The following EBF1 variants were observed in gnomAD, a reference collection of about 807,000 sequenced individuals.
EBF1 encodes the protein EBF transcription factor 1.
EBF1 carries 10 observed loss-of-function variants against 68.4 expected under a neutral mutation model. The observed-to-expected ratio is 0.15, with a 90% confidence interval of 0.09 to 0.25. The LOEUF is 0.25. EBF1 is among the 10% of genes least tolerant of loss of function. The pLI is 1.00. For missense variants in EBF1, 509 were observed against 794.4 expected, an observed-to-expected ratio of 0.64 and a Z score of 4.32; for synonymous variants, 298 against 299.8, an observed-to-expected ratio of 0.99 and a Z score of 0.06.
At chr5:158,882,210 G>A (rs1582855665) in intron 6 of EBF1, among the ~76,000 whole-genome samples, 1 of 152,296 alleles carries the variant, frequency 6.6e-6, no homozygotes, top group East Asian at 1.9e-4. Context: ...CCATAAGGAA[G>A]TTAACATTTC....
intron 6 of EBF1, among the ~76,000 whole-genome samples, chr5:158,914,849 T>C (rs1298991506): frequency 6.6e-6 from 1 of 152,122 alleles, no homozygotes; most frequent in Non-Finnish European, 1.5e-5. Context: ...GGCCTAGAAG[T>C]TAAAAATAAG....
intron 6 of EBF1, among the ~76,000 whole-genome samples, chr5:158,980,611 T>G (rs1369946813): frequency 1.3e-5 from 2 of 152,192 alleles, no homozygotes; most frequent in Admixed American, 6.5e-5. Context: ...TACTAAGGAA[T>G]GTAGTTAAGT....
intron 8 of EBF1, among the ~76,000 whole-genome samples, chr5:158,804,203 G>C (rs1582040719): frequency 6.6e-6 from 1 of 151,928 alleles, no homozygotes; most frequent in Middle Eastern, 3.4e-3. Flanking sequence ...GGCACTATTT[G>C]GAAATGTAGC....
chr5:158,992,325 A>AT (rs112472482), intron 6 of EBF1, among the ~76,000 whole-genome samples: 182 of 148,140 alleles, frequency 1.2e-3, no homozygotes, highest in African/African-American at 3.8e-3. Context: ...TTCCCTAATG[A>AT]TTTTTTTTTT....
At chr5:158,715,369 C>T (rs1488472740) in intron 11 of EBF1, among the ~76,000 whole-genome samples, 1 of 152,190 alleles carries the variant, frequency 6.6e-6, no homozygotes. Context: ...ATCATAGCCT[C>T]TTCAAAAATC....
chr5:159,092,339 G>C (rs1459025356), intron 4 of EBF1, among the ~76,000 whole-genome samples: 6 of 152,198 alleles, frequency 3.9e-5, no homozygotes, highest in Non-Finnish European at 8.8e-5. Flanking sequence ...TTATTTTCTA[G>C]TTGGTGGGTG....
chr5:158,861,259 C>T (rs966718412), intron 6 of EBF1, among the ~76,000 whole-genome samples: 25 of 139,208 alleles, frequency 1.8e-4, no homozygotes, highest in African/African-American at 6.2e-4. Context: ...CTATCAAATG[C>T]GGATTTGTGA....
intron 4 of EBF1, among the ~76,000 whole-genome samples, chr5:159,089,807 AGAAAGAAG>A (rs906590599): frequency 4.6e-5 from 7 of 151,912 alleles, no homozygotes; most frequent in Admixed American, 1.3e-4. Flanking sequence ...GAAGAAAGAA[AGAAAGAAG>A]GAAAGAAAGA....
intron 6 of EBF1, among the ~76,000 whole-genome samples, chr5:158,905,477 A>T (rs988198935): frequency 3.3e-5 from 5 of 152,156 alleles, no homozygotes; most frequent in African/African-American, 1.2e-4. Flanking sequence ...GGATTAAGTC[A>T]TTTCTCAGCT....
At chr5:158,819,613 A>T (rs1406174753) in intron 8 of EBF1, among the ~76,000 whole-genome samples, 2 of 152,232 alleles carry the variant, frequency 1.3e-5, no homozygotes, top group African/African-American at 2.4e-5. Flanking sequence ...AAGACAAGGC[A>T]AGTACACAGG....
rs547336685 is a variant in EBF1 at position 158,782,127 on chromosome 5, A to C, written c.910-4588T>G. ...TTCTTTCCTAAACATTCTTCTACTG[A>C]CATTCTACTTGTTCTTGAAGACCCC... On this transcript the variant is annotated intron_variant, in intron 9 of 15. Transcript: ENST00000313708. Among the ~76,000 whole-genome samples the C allele has an allele frequency of 2.6e-5, 4 of 152,254 alleles. No homozygotes were observed. The East Asian group carries it at 7.7e-4, about 29-fold the overall frequency.
At chr5:158,744,000 G>A (rs11745230) in intron 10 of EBF1, among the ~76,000 whole-genome samples, 31 of 151,868 alleles carry the variant, frequency 2.0e-4, no homozygotes, top group South Asian at 4.2e-4. Flanking sequence ...GTGAAACTCC[G>A]TCTCTACTAA....
rs1340228028 is a variant in EBF1 at position 158,940,924 on chromosome 5, T to C, written c.555-100814A>G. 2.6e-5 allele frequency among the ~76,000 whole-genome samples: 4 copies of C among 152,170 alleles called. No individual in the cohort carries two copies. The East Asian group carries it at 7.7e-4, about 29-fold the overall frequency. ...AAACCAATTATGATTATAATCATTA[T>C]CTGTGTAACATTTGGGTAGGAGACA... On this transcript the variant is annotated intron_variant, in intron 6 of 15. Coordinates refer to ENST00000313708, the MANE Select transcript of EBF1 (RefSeq NM_024007.5).
intron 8 of EBF1, among the ~76,000 whole-genome samples, chr5:158,805,496 C>A (rs1665429280): frequency 6.6e-6 from 1 of 152,068 alleles, no homozygotes; most frequent in South Asian, 2.1e-4. Context: ...GAGGCAGGAC[C>A]AAATTCAGCA....
chr5:158,956,043 TGTGTG>T (rs1817008921), intron 6 of EBF1, among the ~76,000 whole-genome samples: 1 of 149,340 alleles, frequency 6.7e-6, no homozygotes, highest in East Asian at 2.0e-4. Context: ...TGTGTGTGTG[TGTGTG>T]TGTGTGTGTG....
intron 6 of EBF1, among the ~76,000 whole-genome samples, chr5:158,891,376 C>T (rs1213722876): frequency 6.6e-6 from 1 of 152,186 alleles, no homozygotes; most frequent in Non-Finnish European, 1.5e-5. Context: ...CTTATGGTAA[C>T]AAAATCCTCT....
intron 6 of EBF1, among the ~76,000 whole-genome samples, chr5:158,989,770 A>G (rs1420182925): frequency 1.3e-5 from 2 of 152,136 alleles, no homozygotes; most frequent in African/African-American, 2.4e-5. Flanking sequence ...AGACATATTA[A>G]TTTATTATAA....
intron 6 of EBF1, among the ~76,000 whole-genome samples, chr5:158,894,229 C>A (rs1281459498): frequency 6.6e-6 from 1 of 152,006 alleles, no homozygotes; most frequent in Non-Finnish European, 1.5e-5. Flanking sequence ...TTTCTCTATG[C>A]ATTTCTGATA....
intron 6 of EBF1, among the ~76,000 whole-genome samples, chr5:159,051,154 G>C (rs1307284315): frequency 6.6e-6 from 1 of 152,000 alleles, no homozygotes; most frequent in Non-Finnish European, 1.5e-5. Flanking sequence ...GACAGGCACA[G>C]GATATCCTGG....
Sources: gnomAD v4.1 joint callset for allele counts (sites outside exome capture counted in the v4.1 genomes callset) on GRCh38, gnomAD v4.1.1 for gene constraint, MANE v1.5 for transcripts, NCBI Gene and HGNC (gene_info 2026-07-23, HGNC 2026-07-21) for gene names.